Variants in TIAM2 observed in about 807,000 individuals in gnomAD.
The protein encoded by TIAM2 is rho guanine nucleotide exchange factor TIAM2.
A neutral mutation model predicts 152.9 loss-of-function variants in TIAM2; 80 were observed. That is an observed-to-expected ratio of 0.52 (90% CI 0.44 to 0.63). TIAM2 has a LOEUF of 0.63. TIAM2 is among the 30% of genes least tolerant of loss of function. TIAM2 has a pLI of 0.00. For missense variants in TIAM2, 1,965 were observed against 2,120.1 expected (o/e 0.93, Z 1.44); for synonymous variants, 804 against 838.0 (o/e 0.96, Z 0.70).
chr6:155,190,271 T>G (rs1781165068), intron 14 of TIAM2, among the ~76,000 whole-genome samples: 1 of 152,236 alleles, frequency 6.6e-6, no homozygotes, highest in Admixed American at 6.5e-5. Flanking sequence ...CCTTTGGATC[T>G]TAAAGTATTG....
rs544648627 is a variant in TIAM2, at chr6:155,088,504, G to C, written c.-208-1785G>C. On this transcript the variant is annotated intron_variant, in intron 1 of 26. Transcript: ENST00000682666. ...ACTTTGAGTATGTCACATGTTTCAAGTAATTTATTAAGTATTTTATGTGCA... is the reference window on the plus strand; with the variant it reads ...ACTTTGAGTATGTCACATGTTTCAACTAATTTATTAAGTATTTTATGTGCA... 4.6e-5 allele frequency among the ~76,000 whole-genome samples: 7 copies of C among 152,352 alleles called. No individual in the cohort carries two copies. In the South Asian group the frequency reaches 1.5e-3, roughly 32 times the overall value.
At chr6:155,028,434 ATACTG>A (rs1562294321) in intron 1 of TIAM2, among the ~76,000 whole-genome samples, 1 of 127,124 alleles carries the variant, frequency 7.9e-6, no homozygotes, top group Non-Finnish European at 1.6e-5. Flanking sequence ...TATAATATAT[ATACTG>A]TGTTACATAT....
intron 16 of TIAM2, among the ~76,000 whole-genome samples, chr6:155,242,084 G>A (rs766590867): frequency 2.0e-5 from 3 of 152,194 alleles, no homozygotes; most frequent in Non-Finnish European, 2.9e-5. Context: ...GACAAGGACC[G>A]ACTCTCCCTT....
At chr6:155,074,876 A>T (rs1257456200) in intron 1 of TIAM2, among the ~76,000 whole-genome samples, 1 of 151,360 alleles carries the variant, frequency 6.6e-6, no homozygotes, top group Non-Finnish European at 1.5e-5. Flanking sequence ...AAAAAAAAAA[A>T]AACCTCTGAG....
chr6:155,003,593 C>G (rs982695976), intron 1 of TIAM2, among the ~76,000 whole-genome samples: 8 of 152,132 alleles, frequency 5.3e-5, no homozygotes, highest in African/African-American at 1.9e-4. Flanking sequence ...AGCTGTGGGC[C>G]AAGTCTCCAC....
intron 4 of TIAM2, 67 bp from the exon 5 acceptor site, chr6:155,137,110 T>A: frequency 6.6e-7 from 1 of 1,521,394 alleles, no homozygotes; most frequent in Non-Finnish European, 8.9e-7. Flanking sequence ...ACACTTATGC[T>A]GTGTGCAAGA....
intron 1 of TIAM2, among the ~76,000 whole-genome samples, chr6:154,999,091 T>A (rs1778268961): frequency 6.6e-6 from 1 of 152,162 alleles, no homozygotes; most frequent in Non-Finnish European, 1.5e-5. Flanking sequence ...GGAGTGGAAT[T>A]TGGCCCATGT....
chr6:155,086,421 A>C (rs1159656535), intron 1 of TIAM2, among the ~76,000 whole-genome samples: 1 of 152,168 alleles, frequency 6.6e-6, no homozygotes, highest in Non-Finnish European at 1.5e-5. Flanking sequence ...AATGACCTGT[A>C]GTTGGCCGGG....
chr6:155,159,365 T>C (rs1300705443), intron 7 of TIAM2, among the ~76,000 whole-genome samples: 3 of 152,196 alleles, frequency 2.0e-5, no homozygotes, highest in Non-Finnish European at 2.9e-5. Context: ...CACAGGTATC[T>C]TCCTATGAGT....
At chr6:155,119,065 T>C (rs11156014) in intron 2 of TIAM2, among the ~76,000 whole-genome samples, 64,565 of 150,894 alleles carry the variant, frequency 0.43, 15,690 homozygotes, top group East Asian at 0.66. Flanking sequence ...GACGGAGTCT[T>C]GCTCTGTTGC....
intron 1 of TIAM2, among the ~76,000 whole-genome samples, chr6:154,999,716 A>G (rs1778282220): frequency 6.6e-6 from 1 of 151,852 alleles, no homozygotes; most frequent in Non-Finnish European, 1.5e-5. Flanking sequence ...TCTGTAGCCC[A>G]GGCTGGAGTG....
chr6:155,063,801 A>G (rs1318962492), intron 1 of TIAM2, among the ~76,000 whole-genome samples: 1 of 151,552 alleles, frequency 6.6e-6, no homozygotes, highest in African/African-American at 2.4e-5. Flanking sequence ...AAAAAAAAAA[A>G]AGTTATGGAA....
intron 1 of TIAM2, among the ~76,000 whole-genome samples, chr6:155,066,445 T>C (rs1414301920): frequency 6.6e-6 from 1 of 152,250 alleles, no homozygotes; most frequent in Non-Finnish European, 1.5e-5. Context: ...GTGTCACCGC[T>C]GGGAAGAGTT....
At position 155,215,962 on chromosome 6, in the gene TIAM2, C is replaced by T. The variant is rs527247061; in HGVS notation, c.3168+4655C>T. 2.0e-5 allele frequency among the ~76,000 whole-genome samples: 3 copies of T among 152,118 alleles called. No individual in the cohort carries two copies. In the South Asian group the frequency reaches 6.2e-4, roughly 32 times the overall value. ...AGCTGGGACCACAGGTGCCTGCCAC[C>T]ATGCCCGGATAATTTTGTTTATTTT... On this transcript the variant is annotated intron_variant, in intron 15 of 26. Coordinates refer to ENST00000682666, the MANE Select transcript of TIAM2 (RefSeq NM_012454.4).
At chr6:155,149,726 C>A (rs1779903819) in intron 7 of TIAM2, among the ~76,000 whole-genome samples, 1 of 151,990 alleles carries the variant, frequency 6.6e-6, no homozygotes, top group African/African-American at 2.4e-5. Flanking sequence ...AGTTTGAGAC[C>A]AGCCTGGCCA....
chr6:155,092,532 TATACTCA>T (rs1778328341), intron 2 of TIAM2, among the ~76,000 whole-genome samples: 7 of 152,172 alleles, frequency 4.6e-5, no homozygotes, highest in Non-Finnish European at 1.0e-4. Flanking sequence ...TTATTTAGTA[TATACTCA>T]GATTTTTATA....
rs142840417 is a variant in TIAM2, at chr6:155,165,625, C to A, written c.2361+216C>A. 4.8e-3 allele frequency among the ~76,000 whole-genome samples: 738 copies of A among 152,222 alleles called. 3 individuals carry two copies. Among genetic ancestry groups the A allele is most frequent in the African/African-American group, 0.017 (699 of 41,524 alleles). On this transcript the variant is annotated intron_variant, in intron 9 of 26. Transcript: ENST00000682666. ...GACCAGCCTGGGCAACAGAGTGAGA[C>A]CCCATCTCTACAAATAGCCGAGTGT...
At chr6:155,191,364 G>C (rs150252420) in intron 14 of TIAM2, among the ~76,000 whole-genome samples, 53 of 152,350 alleles carry the variant, frequency 3.5e-4, no homozygotes, top group Admixed American at 9.8e-4. Context: ...CTGGCACGTA[G>C]TAAATGCCAT....
intron 2 of TIAM2, among the ~76,000 whole-genome samples, chr6:155,104,066 C>T (rs761765106): frequency 7.8e-6 from 1 of 127,410 alleles, no homozygotes. Flanking sequence ...CCCCACACAC[C>T]CCCACACACC....
Sources: allele counts gnomAD v4.1 joint callset (sites outside exome capture counted in the v4.1 genomes callset), GRCh38; gene constraint gnomAD v4.1.1; transcripts MANE v1.5; gene names NCBI Gene and HGNC (gene_info 2026-07-23, HGNC 2026-07-21).